The following PPP4R4 variants were observed in gnomAD, a reference collection of about 807,000 sequenced individuals.
The protein encoded by PPP4R4 is protein phosphatase 4 regulatory subunit 4, also known as serine/threonine-protein phosphatase 4 regulatory subunit 4.
Under a neutral mutation model 121.8 loss-of-function variants are expected in PPP4R4, and 70 were observed. That is an observed-to-expected ratio of 0.57 (90% CI 0.47 to 0.70). The LOEUF (loss-of-function observed/expected upper bound fraction) is 0.70. PPP4R4 is among the 30% of genes least tolerant of loss of function. The probability of loss-of-function intolerance (pLI) is 0.00; values close to 1 mark genes in which losing one functional copy is unlikely to be tolerated. For missense variants in PPP4R4, 875 were observed against 1,033.6 expected (o/e 0.85, Z 2.10); for synonymous variants, 348 against 355.7 (o/e 0.98, Z 0.24).
intron 7 of PPP4R4, among the ~76,000 whole-genome samples, chr14:94,235,388 C>CTTTTTTTTTTTTTTTTTTTTTTTTT (rs34881107): frequency 2.0e-5 from 1 of 50,812 alleles, no homozygotes; most frequent in African/African-American, 9.2e-5. Context: ...TCTCCTTGTT[C>CTTTTTTTTTTTTTTTTTTTTTTTTT]TTTTTTTTTT....
intron 16 of PPP4R4, among the ~76,000 whole-genome samples, chr14:94,254,732 T>C (rs1200437758): frequency 6.6e-6 from 1 of 152,228 alleles, no homozygotes; most frequent in Admixed American, 6.5e-5. Flanking sequence ...GATACCCACC[T>C]AGCATCCCTC....
chr14:94,275,385 C>G lies in PPP4R4; in HGVS notation c.2461C>G (p.Arg821Gly). The G allele has an allele frequency of 1.2e-6, 2 of 1,613,792 alleles. No individual in the cohort carries two copies. The highest frequency in any genetic ancestry group is 1.7e-6 in the Non-Finnish European group (2 of 1,179,804). Residue 821 changes from arginine to glycine, a missense_variant, in exon 24 of 25, where the codon CGG (arginine) becomes GGG (glycine). Transcript: ENST00000304338. ...TGTATTGCTTTCAGATGATTCATTC[C>G]GGACTCGTAATGCCAGTAGCGTTCC... is the stretch of plus-strand genomic sequence containing the variant. Reference protein sequence around the residue: ...SVLSLADDSFRTRNASSVPSS... With the variant: ...SVLSLADDSFGTRNASSVPSS...
At chr14:94,270,745 C>A (rs1052280061) in intron 23 of PPP4R4, among the ~76,000 whole-genome samples, 1 of 151,886 alleles carries the variant, frequency 6.6e-6, no homozygotes, top group Non-Finnish European at 1.5e-5. Context: ...CATGGCAAAA[C>A]CCTATCAACT....
chr14:94,240,562 T>C, intron 8 of PPP4R4, 111 bp from the exon 9 acceptor site: 1 of 1,192,848 alleles, frequency 8.4e-7, no homozygotes, highest in Non-Finnish European at 1.2e-6. Flanking sequence ...TCTATTACTA[T>C]GAGGCTAACA....
At chr14:94,184,987 G>C (rs1056259672) in intron 2 of PPP4R4, among the ~76,000 whole-genome samples, 2 of 152,166 alleles carry the variant, frequency 1.3e-5, no homozygotes, top group Admixed American at 6.5e-5. Flanking sequence ...GCAGATACTT[G>C]TATTCAAGGA....
At chr14:94,180,196 A>G (rs1320144896) in intron 2 of PPP4R4, among the ~76,000 whole-genome samples, 1 of 152,208 alleles carries the variant, frequency 6.6e-6, no homozygotes, top group African/African-American at 2.4e-5. Flanking sequence ...TGCTCAAGTT[A>G]CATTTAAAAC....
At chr14:94,236,929 A>G (rs1044432634) in intron 7 of PPP4R4, among the ~76,000 whole-genome samples, 1 of 152,194 alleles carries the variant, frequency 6.6e-6, no homozygotes, top group African/African-American at 2.4e-5. Context: ...CCACATCACA[A>G]GGCTCTCCTT....
At position 94,265,445 on chromosome 14, in the gene PPP4R4, T is replaced by C. The variant is rs1439618124; in HGVS notation, c.2256T>C (p.Pro752=). 6.2e-7 allele frequency: 1 copy of C among 1,612,638 alleles called. No homozygotes were observed. Among genetic ancestry groups the C allele is most frequent in the East Asian group, 2.2e-5 (1 of 44,860 alleles). The change falls in exon 21 of 25, where the codon CCT becomes CCC. Residue 752 remains proline, a synonymous_variant. Transcript: ENST00000304338. ...SLPKNIPISV[P]GPSSVTPSTS... ...CCAAGAACATCCCCATTTCTGTTCCTGGACCCTCTTCTGTCACCCCATCGA... is the reference window on the plus strand; with the variant it reads ...CCAAGAACATCCCCATTTCTGTTCCCGGACCCTCTTCTGTCACCCCATCGA...
chr14:94,275,406 G>T lies in PPP4R4; in HGVS notation c.2482G>T (p.Val828Phe), dbSNP rs756231339. 7.1e-5 allele frequency: 114 copies of T among 1,613,804 alleles called. No individual in the cohort carries two copies. Among genetic ancestry groups the T allele is most frequent in the Non-Finnish European group, 9.2e-5 (109 of 1,179,900 alleles). Residue 828 changes from valine to phenylalanine, a missense_variant, in exon 24 of 25, where the codon GTT becomes TTT. Transcript: ENST00000304338. ...ATTCCGGACTCGTAATGCCAGTAGCGTTCCATCTTCCTTTTCTCCTAATAC... is the reference window on the plus strand; with the variant it reads ...ATTCCGGACTCGTAATGCCAGTAGCTTTCCATCTTCCTTTTCTCCTAATAC... ...DSFRTRNASS[V>F]PSSFSPNTPL...
At chr14:94,244,583 C>A in intron 11 of PPP4R4, 52 bp from the exon 12 acceptor site, 1 of 1,327,936 alleles carries the variant, frequency 7.5e-7, no homozygotes, top group Non-Finnish European at 1.0e-6. Context: ...TTATTGTAAC[C>A]TGTATCTGTC....
intron 3 of PPP4R4, among the ~76,000 whole-genome samples, chr14:94,224,604 AG>A (rs938274790): frequency 2.0e-5 from 3 of 152,196 alleles, no homozygotes; most frequent in Non-Finnish European, 4.4e-5. Flanking sequence ...GACTAGAGAA[AG>A]CCCACATTAG....
intron 22 of PPP4R4, among the ~76,000 whole-genome samples, 158 bp from the exon 23 acceptor site, chr14:94,266,800 GT>G (rs1894074809): frequency 6.6e-6 from 1 of 152,146 alleles, no homozygotes; most frequent in Non-Finnish European, 1.5e-5. Flanking sequence ...AGTAAGTGTT[GT>G]GAGGCATGAA....
At chr14:94,242,081 G>A in intron 10 of PPP4R4, 124 bp downstream of exon 10, 4 of 1,146,994 alleles carry the variant, frequency 3.5e-6, no homozygotes, top group African/African-American at 1.6e-5. Flanking sequence ...AGCATACATA[G>A]TATGTGCAGA....
chr14:94,261,642 T>A (rs896702412), intron 19 of PPP4R4, among the ~76,000 whole-genome samples: 13 of 152,050 alleles, frequency 8.5e-5, no homozygotes, highest in Non-Finnish European at 1.9e-4. Context: ...GTCTTTTTAC[T>A]GATCTTAGGG....
rs763981835 is a variant in PPP4R4 at position 94,242,323 on chromosome 14, A to T, written c.1181A>T (p.His394Leu). 1.2e-6 allele frequency: 2 copies of T among 1,610,476 alleles called. No individual in the cohort carries two copies. Among genetic ancestry groups the T allele is most frequent in the South Asian group, 1.1e-5 (1 of 91,000 alleles). ...MIVFVDPKNF[H>L]MELYSTFFCL... ...GTTTTTGTTGATCCTAAAAACTTCC[A>T]CATGGAACTCTATTCTACATTCTTC... Residue 394 changes from histidine to leucine, a missense_variant, in exon 11 of 25, where the codon CAC becomes CTC. His to Leu is a moderately conservative substitution (Grantham distance 99, BLOSUM62 -3). Transcript: ENST00000304338.
At chr14:94,246,608 A>G (rs944323930) in intron 14 of PPP4R4, 69 bp downstream of exon 14, 8 of 1,444,522 alleles carry the variant, frequency 5.5e-6, no homozygotes, top group South Asian at 2.7e-5. Context: ...AAAACTCTTC[A>G]TATTTTCAAA....
chr14:94,218,810 T>C (rs1891216457), intron 3 of PPP4R4, among the ~76,000 whole-genome samples: 1 of 151,914 alleles, frequency 6.6e-6, no homozygotes, highest in Admixed American at 6.6e-5. Flanking sequence ...AAGGATAATC[T>C]TGGAAGTAGC....
rs1465286076 is a variant in PPP4R4, at chr14:94,246,679, A to G, written c.1611+140A>G. The G allele has an allele frequency of 2.6e-5, 23 of 895,608 alleles. No homozygotes were observed. The East Asian group carries it at 4.3e-4, about 17-fold the overall frequency. The allele number at this position is 895,608 out of a possible 1,614,324, so 55.5% of individuals were successfully genotyped here. ...AGGAGGATGTCAGCTTCGTAGGTCC[A>G]GAAGAGGGGACTCAGGTTTCCCTTT... On this transcript the variant is annotated intron_variant, in intron 14 of 24. Transcript: ENST00000304338.
intron 8 of PPP4R4, among the ~76,000 whole-genome samples, chr14:94,240,360 T>C (rs559946723): frequency 6.6e-6 from 1 of 152,188 alleles, no homozygotes; most frequent in Non-Finnish European, 1.5e-5. Context: ...TTAGAATTCT[T>C]TTAGTTATTC....
Sources: allele counts gnomAD v4.1 joint callset (sites outside exome capture counted in the v4.1 genomes callset), GRCh38; gene constraint gnomAD v4.1.1; transcripts MANE v1.5; gene names NCBI Gene and HGNC (gene_info 2026-07-23, HGNC 2026-07-21).